Variants in FMN1 observed in about 807,000 individuals in gnomAD.
FMN1 encodes the protein formin-1.
A neutral mutation model predicts 132.4 loss-of-function variants in FMN1; 110 were observed. The observed-to-expected ratio is 0.83, with a 90% confidence interval of 0.71 to 0.97. The LOEUF is 0.97. FMN1 is among the 50% of genes least tolerant of loss of function. The probability of loss-of-function intolerance (pLI) is 0.00; values close to 1 mark genes in which losing one functional copy is unlikely to be tolerated. For synonymous variants in FMN1, 722 were observed against 651.7 expected (o/e 1.11, Z -1.64); for missense variants, 1,792 against 1,705.3 (o/e 1.05, Z -0.90).
In FMN1 at chr15:32,996,987, GAAGT is replaced by G. The variant is rs375249376; in HGVS notation, c.2223+11023_2223+11026del. On this transcript the variant is annotated intron_variant, in intron 7 of 20. Transcript: ENST00000616417. Reference sequence around the variant, plus strand: ...TTCAAATTACAAAAATCGTAACGAAGAAGTAAGGAGCTGGCAAGCTGCATAGAAG... The same window carrying G: ...TTCAAATTACAAAAATCGTAACGAAGAAGGAGCTGGCAAGCTGCATAGAAG... Among the ~76,000 whole-genome samples the G allele has an allele frequency of 1.1e-3, 166 of 152,300 alleles. 1 individual carries two copies. The highest frequency in any genetic ancestry group is 3.7e-3 in the African/African-American group (154 of 41,572).
chr15:32,846,595 C>T (rs1221007599), intron 17 of FMN1, among the ~76,000 whole-genome samples: 8 of 152,202 alleles, frequency 5.3e-5, no homozygotes, highest in African/African-American at 1.9e-4. Context: ...AACAGGAATG[C>T]TTTTACACTG....
At chr15:32,964,048 C>CACACAA in intron 9 of FMN1, 59 bp downstream of exon 9, 1 of 1,124,840 alleles carries the variant, frequency 8.9e-7, no homozygotes, top group South Asian at 1.4e-5. Context: ...CACACACACA[C>CACACAA]ATATATACCA....
rs183192645 is a variant in FMN1, at chr15:33,032,122, C to G, written c.2162-24047G>C. 9.2e-5 allele frequency among the ~76,000 whole-genome samples: 14 copies of G among 152,294 alleles called. No homozygotes were observed. The East Asian group carries it at 2.7e-3, about 29-fold the overall frequency. On this transcript the variant is annotated intron_variant, in intron 6 of 20. Transcript: ENST00000616417. Reference sequence around the variant, plus strand: ...AAGCATTTTACCTGACTTACTTTCTCTAATCCATGGAGGTTTTAACCATAG... The same window carrying G: ...AAGCATTTTACCTGACTTACTTTCTGTAATCCATGGAGGTTTTAACCATAG...
rs1399245505 is a variant in FMN1 at position 33,157,999 on chromosome 15, AAAAAAAAAAAAG to A, written c.-131-2966_-131-2955del. Among the ~76,000 whole-genome samples the A allele has an allele frequency of 4.5e-3, 280 of 62,440 alleles. 1 individual carries two copies. The highest frequency in any genetic ancestry group is 9.5e-3 in the African/African-American group (275 of 29,046). 41.0% of individuals were successfully genotyped at this position (62,440 alleles called of 152,430 possible). ...AGAGCAAGACCCTGTCTTTCAAAAA[AAAAAAAAAAAAG>A]AAAAAGAAAGAAACAAAAACCACAC... is the stretch of plus-strand genomic sequence containing the variant. On this transcript the variant is annotated intron_variant, in intron 3 of 20. Transcript: ENST00000616417.
At chr15:33,166,296 G>A (rs1052139701) in intron 3 of FMN1, among the ~76,000 whole-genome samples, 1 of 150,998 alleles carries the variant, frequency 6.6e-6, no homozygotes, top group Non-Finnish European at 1.5e-5. Context: ...CACTACCCTA[G>A]TACCACTGGC....
intron 17 of FMN1, among the ~76,000 whole-genome samples, chr15:32,834,654 C>A (rs1440586496): frequency 6.6e-6 from 1 of 152,186 alleles, no homozygotes; most frequent in Non-Finnish European, 1.5e-5. Flanking sequence ...CTTACTCCCA[C>A]CGTTATTATT....
chr15:33,037,509 G>A (rs1322533179), intron 6 of FMN1, among the ~76,000 whole-genome samples: 1 of 152,194 alleles, frequency 6.6e-6, no homozygotes, highest in South Asian at 2.1e-4. Flanking sequence ...ATATATGAGG[G>A]AACTGGCTGT....
At chr15:32,831,789 G>A (rs952760143) in intron 17 of FMN1, among the ~76,000 whole-genome samples, 5 of 149,840 alleles carry the variant, frequency 3.3e-5, no homozygotes, top group Admixed American at 1.3e-4. Context: ...GATGAAGAAT[G>A]TGGGTGGGGA....
chr15:32,859,182 C>CT (rs1403773282), intron 16 of FMN1, among the ~76,000 whole-genome samples: 3 of 152,072 alleles, frequency 2.0e-5, no homozygotes, highest in African/African-American at 7.2e-5. Flanking sequence ...AAATTTGATG[C>CT]TTAAGTTTTC....
chr15:33,116,882 G>C (rs1056433794), intron 4 of FMN1, among the ~76,000 whole-genome samples: 5 of 152,102 alleles, frequency 3.3e-5, no homozygotes, highest in Non-Finnish European at 1.5e-5. Flanking sequence ...TCGAAAGTTT[G>C]TTGAGGATTA....
intron 9 of FMN1, among the ~76,000 whole-genome samples, chr15:32,939,223 G>A (rs1016114538): frequency 1.3e-5 from 2 of 152,176 alleles, no homozygotes; most frequent in South Asian, 2.1e-4. Context: ...TCTCACTGCT[G>A]GGGCATTAAA....
chr15:32,942,142 G>A (rs554839), intron 9 of FMN1, among the ~76,000 whole-genome samples: 2,415 of 152,268 alleles, frequency 0.016, 65 homozygotes, highest in African/African-American at 0.055. Context: ...CTATTACATC[G>A]CCTAAGGGAC....
chr15:32,847,810 G>A (rs1245255242), intron 17 of FMN1, among the ~76,000 whole-genome samples: 4 of 152,078 alleles, frequency 2.6e-5, no homozygotes, highest in Admixed American at 6.6e-5. Flanking sequence ...AGCTGAGATC[G>A]CGCCACTGCA....
chr15:33,023,494 T>C (rs776182495), intron 6 of FMN1, among the ~76,000 whole-genome samples: 29 of 152,098 alleles, frequency 1.9e-4, no homozygotes, highest in South Asian at 6.2e-4. Flanking sequence ...AGCAACACAC[T>C]AAGAGACAAG....
chr15:32,861,492 A>C (rs1015527752), intron 16 of FMN1, among the ~76,000 whole-genome samples: 7 of 152,192 alleles, frequency 4.6e-5, no homozygotes, highest in Non-Finnish European at 7.4e-5. Flanking sequence ...TGTTTTTCTC[A>C]TCTGCAAAAT....
At chr15:33,101,212 C>T (rs567485397) in intron 4 of FMN1, among the ~76,000 whole-genome samples, 16 of 152,250 alleles carry the variant, frequency 1.1e-4, no homozygotes, top group Non-Finnish European at 1.8e-4. Context: ...AGCTGCATGT[C>T]GAGCCAAATC....
intron 4 of FMN1, among the ~76,000 whole-genome samples, chr15:33,098,696 T>C (rs906453792): frequency 6.6e-6 from 1 of 151,926 alleles, no homozygotes; most frequent in African/African-American, 2.4e-5. Flanking sequence ...GGTAAAAGAG[T>C]AACAGGAGGA....
At chr15:33,136,228 C>T (rs143865296) in intron 4 of FMN1, among the ~76,000 whole-genome samples, 172 of 152,314 alleles carry the variant, frequency 1.1e-3, no homozygotes, top group African/African-American at 4.0e-3. Flanking sequence ...AAGGTACCCT[C>T]TCTGAGTCTT....
intron 4 of FMN1, among the ~76,000 whole-genome samples, chr15:33,119,773 T>C (rs144843313): frequency 0.016 from 2,414 of 152,336 alleles, 36 homozygotes; most frequent in Non-Finnish European, 0.025. Context: ...GTCTTTAAAA[T>C]GTGTTAGGAA....
Sources: gnomAD v4.1 joint callset for allele counts (sites outside exome capture counted in the v4.1 genomes callset) on GRCh38, gnomAD v4.1.1 for gene constraint, MANE v1.5 for transcripts, NCBI Gene and HGNC (gene_info 2026-07-23, HGNC 2026-07-21) for gene names.